The following CDIN1 variants were observed in gnomAD, a reference collection of about 807,000 sequenced individuals.
CDIN1 encodes CDAN1-interacting nuclease 1.
CDIN1 carries 33 observed loss-of-function variants against 45.3 expected under a neutral mutation model. That is an observed-to-expected ratio of 0.73 (90% confidence interval 0.55 to 0.97). The LOEUF is 0.97. CDIN1 is among the 50% of genes least tolerant of loss of function. The pLI, the probability that CDIN1 is intolerant of heterozygous loss-of-function variation, is 0.00. For missense variants in CDIN1, 303 were observed against 339.4 expected (o/e 0.89, Z 0.84); for synonymous variants, 118 against 124.4 (o/e 0.95, Z 0.34).
intron 10 of CDIN1, among the ~76,000 whole-genome samples, chr15:36,798,218 T>G (rs1160935348): frequency 1.3e-5 from 2 of 152,010 alleles, no homozygotes; most frequent in African/African-American, 4.8e-5. Flanking sequence ...TTAAAAGAAG[T>G]GTTTGTTTGA....
chr15:36,682,207 A>G (rs935857817), intron 5 of CDIN1, among the ~76,000 whole-genome samples: 4 of 151,924 alleles, frequency 2.6e-5, no homozygotes, highest in African/African-American at 9.7e-5. Flanking sequence ...AAGCCCTGAG[A>G]ATGAGAAGAG....
chr15:36,760,888 G>A (rs1169265083), intron 10 of CDIN1, among the ~76,000 whole-genome samples: 1 of 152,208 alleles, frequency 6.6e-6, no homozygotes, highest in African/African-American at 2.4e-5. Context: ...CAGAATGATT[G>A]TAGCAATTTC....
intron 1 of CDIN1, among the ~76,000 whole-genome samples, chr15:36,615,240 G>C (rs2038836085): frequency 1.3e-5 from 2 of 152,202 alleles, no homozygotes; most frequent in Non-Finnish European, 2.9e-5. Context: ...TGCAGTCCGT[G>C]GGCTGGCAGT....
chr15:36,803,052 A>G (rs997001414), intron 10 of CDIN1, among the ~76,000 whole-genome samples: 11 of 151,726 alleles, frequency 7.2e-5, no homozygotes, highest in South Asian at 4.2e-4. Flanking sequence ...ACAGCCAGGG[A>G]CTCTCACAGT....
intron 3 of CDIN1, among the ~76,000 whole-genome samples, chr15:36,651,073 TA>T (rs200050337): frequency 2.0e-5 from 3 of 150,148 alleles, no homozygotes; most frequent in African/African-American, 7.3e-5. Context: ...AAAAAAAAAA[TA>T]AAAAAAAATA....
At chr15:36,639,478 A>G (rs1041550824) in intron 1 of CDIN1, among the ~76,000 whole-genome samples, 2 of 152,016 alleles carry the variant, frequency 1.3e-5, no homozygotes, top group African/African-American at 2.4e-5. Context: ...GGTGGCAGCT[A>G]TTCTGGAGGC....
At chr15:36,631,545 A>G (rs1281167482) in intron 1 of CDIN1, among the ~76,000 whole-genome samples, 1 of 152,064 alleles carries the variant, frequency 6.6e-6, no homozygotes, top group Non-Finnish European at 1.5e-5. Context: ...CCATTCATAT[A>G]TTTTACAGAC....
intron 10 of CDIN1, among the ~76,000 whole-genome samples, chr15:36,778,259 G>A (rs958848112): frequency 6.6e-6 from 1 of 152,144 alleles, no homozygotes; most frequent in Non-Finnish European, 1.5e-5. Flanking sequence ...GAGGACACAC[G>A]TCAGGAAAGG....
Position 36,645,305 on chromosome 15 carries a change from C to T in CDIN1, c.212+18C>T, listed in dbSNP as rs2040270986. Reference sequence around the variant, plus strand: ...TACCAGAGGTATGACCTTCCTGCCCCACTAGAGGGTATCATAGTACCTATT... The same window carrying T: ...TACCAGAGGTATGACCTTCCTGCCCTACTAGAGGGTATCATAGTACCTATT... On this transcript the variant is annotated intron_variant, in intron 3 of 10. Coordinates refer to ENST00000566621, the MANE Select transcript of CDIN1 (RefSeq NM_001321759.2). The T allele has an allele frequency of 6.5e-7, 1 of 1,531,456 alleles. No homozygotes were observed. Among genetic ancestry groups the T allele is most frequent in the East Asian group, 2.4e-5 (1 of 40,840 alleles). The allele number at this position is 1,531,456 out of a possible 1,614,324, so 94.9% of individuals were successfully genotyped here.
chr15:36,709,923 C>T lies in CDIN1; in HGVS notation c.678C>T (p.His226=), dbSNP rs578121665. The T allele has an allele frequency of 1.3e-5, 21 of 1,613,198 alleles. No homozygotes were observed. The highest frequency in any genetic ancestry group is 5.3e-5 in the African/African-American group (4 of 74,980). The change falls in exon 10 of 11, where the codon CAC becomes CAT. Residue 226 remains histidine (H), a synonymous_variant. Coordinates refer to ENST00000566621, the MANE Select transcript of CDIN1 (RefSeq NM_001321759.2). ...CATTTGGTGATGAATGTAGCCACCA[C>T]GCCTACCTGCATGACCAGTTCTGGA... The part of the protein sequence containing the change: ...KASFGDECSH[H]AYLHDQFWSY...
intron 10 of CDIN1, among the ~76,000 whole-genome samples, chr15:36,715,302 C>G (rs1347620144): frequency 3.3e-5 from 5 of 152,130 alleles, no homozygotes. Context: ...GTTCATACCT[C>G]TAAGTATTTT....
At chr15:36,633,317 A>G (rs1187339030) in intron 1 of CDIN1, among the ~76,000 whole-genome samples, 7 of 152,068 alleles carry the variant, frequency 4.6e-5, no homozygotes, top group African/African-American at 1.4e-4. Context: ...GATTGAATGT[A>G]CTTCTCTGTG....
At chr15:36,708,404 A>T (rs190038468) in intron 8 of CDIN1, 2 of 152,144 alleles carry the variant, frequency 1.3e-5, no homozygotes, top group African/African-American at 4.8e-5. Context: ...CATTTCAGAA[A>T]TCACATTGTA....
At chr15:36,610,131 T>C (rs562307148) in intron 1 of CDIN1, among the ~76,000 whole-genome samples, 1 of 152,322 alleles carries the variant, frequency 6.6e-6, no homozygotes, top group African/African-American at 2.4e-5. Context: ...TCACAAACTA[T>C]AATATAGGAA....
intron 10 of CDIN1, among the ~76,000 whole-genome samples, chr15:36,753,457 G>T (rs557216401): frequency 6.6e-6 from 1 of 152,092 alleles, no homozygotes; most frequent in East Asian, 1.9e-4. Context: ...TACCGGGTTA[G>T]ATCATTCTTG....
At chr15:36,752,847 A>AT (rs1021963002) in intron 10 of CDIN1, among the ~76,000 whole-genome samples, 35 of 152,222 alleles carry the variant, frequency 2.3e-4, no homozygotes, top group African/African-American at 8.2e-4. Context: ...CCTGGAATTG[A>AT]TTTTTTTAAA....
In CDIN1 at chr15:36,579,738, G is replaced by A. The variant is rs1364251119; in HGVS notation, c.-123G>A. 2.7e-6 allele frequency: 2 copies of A among 731,574 alleles called. No individual in the cohort carries two copies. The highest frequency in any genetic ancestry group is 4.4e-6 in the Non-Finnish European group (2 of 450,032). 45.3% of individuals were successfully genotyped at this position (731,574 alleles called of 1,614,324 possible). ...TGTGTTTCAGGGGGGATTGGGGCAA[G>A]CCAAGCAGGCGAGGACCCGGGCCTG... On this transcript the variant is annotated 5_prime_UTR_variant, in exon 1 of 11. Transcript: ENST00000566621.
In CDIN1 at chr15:36,808,295, G is replaced by A; in HGVS notation, c.717-29G>A. ...TTCAAGAGCTCTGTTGATACCATGT[G>A]TGTGTGTTATTTTCTGGTGTTTTTA... On this transcript the variant is annotated intron_variant, in intron 10 of 10. Coordinates refer to ENST00000566621, the MANE Select transcript of CDIN1 (RefSeq NM_001321759.2). The A allele has an allele frequency of 2.5e-6, 4 of 1,612,128 alleles. No homozygotes were observed. The South Asian group carries it at 3.3e-5, about 13-fold the overall frequency.
At chr15:36,650,910 A>G (rs1424821961) in intron 3 of CDIN1, among the ~76,000 whole-genome samples, 1 of 152,072 alleles carries the variant, frequency 6.6e-6, no homozygotes, top group Non-Finnish European at 1.5e-5. Context: ...TAAAAGCACA[A>G]AAACTAGCCA....
Sources: gnomAD v4.1 joint callset for allele counts (sites outside exome capture counted in the v4.1 genomes callset) on GRCh38, gnomAD v4.1.1 for gene constraint, MANE v1.5 for transcripts, NCBI Gene and HGNC (gene_info 2026-07-23, HGNC 2026-07-21) for gene names.